VWC2L: variants seen among roughly 807,000 people sequenced by gnomAD.
VWC2L encodes the protein von Willebrand factor C domain containing 2 like.
A neutral mutation model predicts 21.6 loss-of-function variants in VWC2L; 10 were observed. The ratio of observed to expected loss-of-function variants is 0.46; its 90% CI spans 0.29 to 0.78. VWC2L has a LOEUF of 0.78. VWC2L is among the 30% of genes least tolerant of loss of function. The probability of loss-of-function intolerance (pLI) is 0.10; values close to 1 mark genes in which losing one functional copy is unlikely to be tolerated. For synonymous variants in VWC2L, 96 were observed against 94.3 expected (o/e 1.02, Z -0.10); for missense variants, 209 against 277.1 (o/e 0.75, Z 1.74).
intron 3 of VWC2L, among the ~76,000 whole-genome samples, chr2:214,443,261 AC>A (rs576003627): frequency 8.7e-4 from 133 of 152,152 alleles, no homozygotes; most frequent in African/African-American, 3.2e-3. Context: ...AATCCCAGCT[AC>A]TCAGGAGGCT....
chr2:214,542,439 C>T (rs1689643084), intron 3 of VWC2L, among the ~76,000 whole-genome samples: 2 of 152,192 alleles, frequency 1.3e-5, no homozygotes, highest in Admixed American at 6.5e-5. Flanking sequence ...GGTCCTAACA[C>T]GGAGGTGGGA....
intron 3 of VWC2L, among the ~76,000 whole-genome samples, chr2:214,440,968 T>A (rs964015543): frequency 5.9e-5 from 9 of 152,112 alleles, no homozygotes; most frequent in African/African-American, 1.9e-4. Flanking sequence ...TGTTACCCCA[T>A]GAAAAATTTG....
chr2:214,467,944 G>A lies in VWC2L; in HGVS notation c.520+31186G>A, dbSNP rs540017206. Among the ~76,000 whole-genome samples the A allele has an allele frequency of 2.0e-5, 3 of 152,212 alleles. No individual in the cohort carries two copies. In the South Asian group the frequency reaches 6.2e-4, roughly 32 times the overall value. Reference sequence around the variant, plus strand: ...GAGAATCACTTGAGCCCAGGAGTTAGAGACCAGCCTGGGCAACATAGTGAG... The same window carrying A: ...GAGAATCACTTGAGCCCAGGAGTTAAAGACCAGCCTGGGCAACATAGTGAG... On this transcript the variant is annotated intron_variant, in intron 3 of 3. Transcript: ENST00000312504.
At chr2:214,413,799 C>G (rs1478410912) in intron 1 of VWC2L, among the ~76,000 whole-genome samples, 4 of 152,076 alleles carry the variant, frequency 2.6e-5, no homozygotes, top group Non-Finnish European at 5.9e-5. Context: ...TAAGTTACTC[C>G]TTGGATCACA....
At chr2:214,484,584 T>A (rs1372807198) in intron 3 of VWC2L, among the ~76,000 whole-genome samples, 1 of 152,134 alleles carries the variant, frequency 6.6e-6, no homozygotes, top group African/African-American at 2.4e-5. Flanking sequence ...TCATCTCCTG[T>A]TAGGTAGCTT....
At chr2:214,484,306 A>C in intron 3 of VWC2L, among the ~76,000 whole-genome samples, 1 of 152,188 alleles carries the variant, frequency 6.6e-6, no homozygotes, top group South Asian at 2.1e-4. Flanking sequence ...GCTAGGAAGA[A>C]AATCAACTAG....
intron 3 of VWC2L, among the ~76,000 whole-genome samples, chr2:214,537,973 A>T (rs758504596): frequency 4.7e-5 from 7 of 150,032 alleles, no homozygotes; most frequent in Non-Finnish European, 3.0e-5. Flanking sequence ...TATGTATATC[A>T]TCACACATGC....
chr2:214,544,055 T>A (rs10173415), intron 3 of VWC2L, among the ~76,000 whole-genome samples: 37,500 of 152,148 alleles, frequency 0.25, 4,774 homozygotes, highest in Middle Eastern at 0.35. Context: ...AGTATTGTTA[T>A]CTCTGCCTAA....
At chr2:214,479,996 A>T (rs1688579959) in intron 3 of VWC2L, among the ~76,000 whole-genome samples, 1 of 152,132 alleles carries the variant, frequency 6.6e-6, no homozygotes, top group Non-Finnish European at 1.5e-5. Context: ...TCTTGTAATT[A>T]CTTTCTAAAT....
intron 3 of VWC2L, among the ~76,000 whole-genome samples, chr2:214,462,244 G>T (rs1201360704): frequency 1.3e-5 from 2 of 152,124 alleles, no homozygotes; most frequent in Non-Finnish European, 2.9e-5. Flanking sequence ...ACTAATCTTA[G>T]GGCCCACAGG....
chr2:214,518,656 C>T lies in VWC2L; in HGVS notation c.521-57016C>T, dbSNP rs546127851. Among the ~76,000 whole-genome samples, 7 of 152,242 alleles carry T rather than the reference C, an allele frequency of 4.6e-5. No individual in the cohort carries two copies. The East Asian group carries it at 1.4e-3, about 29-fold the overall frequency. On this transcript the variant is annotated intron_variant, in intron 3 of 3. Transcript: ENST00000312504. ...AGCAGGATTTTTCTACTTTCGAATACCTCACAGTAGAAAATGATTTGATAA... is the reference window on the plus strand; with the variant it reads ...AGCAGGATTTTTCTACTTTCGAATATCTCACAGTAGAAAATGATTTGATAA...
chr2:214,424,264 A>C (rs1702489727), intron 2 of VWC2L, among the ~76,000 whole-genome samples: 1 of 152,150 alleles, frequency 6.6e-6, no homozygotes, highest in African/African-American at 2.4e-5. Context: ...TAAGGGTTTC[A>C]GTTATTTTTC....
chr2:214,461,962 CTG>C (rs1341205391), intron 3 of VWC2L, among the ~76,000 whole-genome samples: 1 of 152,170 alleles, frequency 6.6e-6, no homozygotes, highest in Non-Finnish European at 1.5e-5. Context: ...CTGTAGGACA[CTG>C]TGTGGGATGG....
chr2:214,573,957 A>G (rs1690190826), intron 3 of VWC2L, among the ~76,000 whole-genome samples: 1 of 152,184 alleles, frequency 6.6e-6, no homozygotes. Context: ...TCTGCCCAAC[A>G]TGGTGAAACC....
Position 214,575,738 on chromosome 2 carries a change from A to C in VWC2L, c.587A>C (p.Asn196Thr). 1 of 1,613,586 alleles carries C rather than the reference A, an allele frequency of 6.2e-7. No homozygotes were observed. Among genetic ancestry groups the C allele is most frequent in the Non-Finnish European group, 8.5e-7 (1 of 1,179,564 alleles). The change falls in exon 4 of 4, where the codon AAC (asparagine) becomes ACC (threonine). Residue 196 changes from asparagine to threonine, a missense_variant. By Grantham distance (65) the Asn-to-Thr change is moderately conservative. Transcript: ENST00000312504. ...ATTGAAGTGAAAGTGGACGAATGTA[A>C]CATCTGTCATTGTCACAACGGGGAC... ...AGIEVKVDEC[N>T]ICHCHNGDWW... is the part of the protein sequence containing the mutation.
intron 3 of VWC2L, among the ~76,000 whole-genome samples, chr2:214,475,918 T>A (rs1420634003): frequency 6.6e-6 from 1 of 152,194 alleles, no homozygotes; most frequent in African/African-American, 2.4e-5. Context: ...AAAAGTTGAA[T>A]GTGGATGTCC....
chr2:214,502,567 G>A (rs997102458), intron 3 of VWC2L, among the ~76,000 whole-genome samples: 2 of 133,958 alleles, frequency 1.5e-5, no homozygotes, highest in African/African-American at 5.0e-5. Flanking sequence ...GAGACTCCAC[G>A]TCAAAAACAA....
chr2:214,537,599 T>A (rs994577706), intron 3 of VWC2L, among the ~76,000 whole-genome samples: 2 of 151,860 alleles, frequency 1.3e-5, no homozygotes, highest in African/African-American at 4.8e-5. Context: ...GGGTACAAAG[T>A]TAAAGTTAGA....
intron 3 of VWC2L, among the ~76,000 whole-genome samples, chr2:214,515,678 C>T (rs1459602448): frequency 6.6e-6 from 1 of 152,154 alleles, no homozygotes; most frequent in African/African-American, 2.4e-5. Flanking sequence ...CTCAGCCTCC[C>T]AAGTAGCTGG....
Sources: gnomAD v4.1 joint callset for allele counts (sites outside exome capture counted in the v4.1 genomes callset) on GRCh38, gnomAD v4.1.1 for gene constraint, MANE v1.5 for transcripts, NCBI Gene and HGNC (gene_info 2026-07-23, HGNC 2026-07-21) for gene names.